The following AHI1 variants were observed in gnomAD, a reference collection of about 807,000 sequenced individuals.
AHI1 encodes Abelson helper integration site 1.
In AHI1, 123 loss-of-function variants were observed where a neutral mutation model predicts 149.3. The observed-to-expected ratio is 0.82, with a 90% confidence interval of 0.71 to 0.96. The LOEUF (loss-of-function observed/expected upper bound fraction) is 0.96, where lower values mean the gene tolerates loss of function less well. AHI1 is among the 40% of genes least tolerant of loss of function. The pLI, the probability that AHI1 is intolerant of heterozygous loss-of-function variation, is 0.00. For missense variants in AHI1, 1,439 were observed against 1,422.7 expected (o/e 1.01, Z -0.18); for synonymous variants, 475 against 459.8 (o/e 1.03, Z -0.42).
chr6:135,402,207 G>A (rs1044116025), intron 22 of AHI1, among the ~76,000 whole-genome samples: 1 of 152,092 alleles, frequency 6.6e-6, no homozygotes, highest in Non-Finnish European at 1.5e-5. Flanking sequence ...AACCTCATTC[G>A]TACACTGCTG....
intron 27 of AHI1, among the ~76,000 whole-genome samples, chr6:135,292,519 T>TTG (rs1401206404): frequency 6.6e-6 from 1 of 152,110 alleles, no homozygotes; most frequent in Non-Finnish European, 1.5e-5. Context: ...AAACAACAAT[T>TTG]TTCAAGATAC....
At chr6:135,341,477 C>T (rs1046695278) in intron 24 of AHI1, among the ~76,000 whole-genome samples, 2 of 151,924 alleles carry the variant, frequency 1.3e-5, no homozygotes, top group Non-Finnish European at 2.9e-5. Context: ...AAGATTTAAT[C>T]AATGCTGTAA....
chr6:135,331,485 T>C (rs773777469), intron 24 of AHI1, among the ~76,000 whole-genome samples: 16 of 152,292 alleles, frequency 1.1e-4, no homozygotes, highest in South Asian at 2.1e-4. Flanking sequence ...TGCCAGGCTG[T>C]TGTAAGACAT....
chr6:135,358,256 C>G (rs1466366401), intron 23 of AHI1, 69 bp from the exon 24 acceptor site: 4 of 1,343,696 alleles, frequency 3.0e-6, no homozygotes, highest in Non-Finnish European at 2.1e-6. Context: ...AATATTCATG[C>G]CATTTTATTG....
At chr6:135,426,076 A>T (rs1783872958) in intron 20 of AHI1, among the ~76,000 whole-genome samples, 1 of 151,768 alleles carries the variant, frequency 6.6e-6, no homozygotes. Flanking sequence ...GGGTACAAAG[A>T]GAGAACTGTT....
chr6:135,481,031 C>T (rs955762216), intron 5 of AHI1, among the ~76,000 whole-genome samples: 1 of 152,164 alleles, frequency 6.6e-6, no homozygotes, highest in East Asian at 1.9e-4. Context: ...GCCCCTGGTG[C>T]CAAAAAGGTT....
At chr6:135,439,666 C>T (rs1785963289) in intron 14 of AHI1, among the ~76,000 whole-genome samples, 1 of 152,180 alleles carries the variant, frequency 6.6e-6, no homozygotes, top group South Asian at 2.1e-4. Flanking sequence ...GCTAGTTTTG[C>T]TGTCACACCT....
intron 20 of AHI1, 85 bp from the exon 21 acceptor site, chr6:135,411,629 A>G (rs1781609665): frequency 8.7e-7 from 1 of 1,148,566 alleles, no homozygotes; most frequent in Admixed American, 3.0e-5. Context: ...ACAAATAATC[A>G]GAAACTGCAT....
rs752392677 is a variant in AHI1 at position 135,433,033 on chromosome 6, T to C, written c.2260A>G (p.Thr754Ala). ...KSFINSLCFD[T>A]EGHHMYSGDC... ...TTCATAGTCTCTGACATACCTTCAG[T>C]ATCAAAACAAAGTGAGTTGATAAAA... Residue 754 changes from threonine to alanine, a missense_variant, in exon 16 of 29, where the codon ACT (threonine) becomes GCT (alanine). Physicochemically the swap from Thr to Ala is moderately conservative, Grantham distance 58. Coordinates refer to ENST00000265602, the MANE Select transcript of AHI1 (RefSeq NM_001134831.2). 6.2e-7 allele frequency: 1 copy of C among 1,608,206 alleles called. No homozygotes were observed. The highest frequency in any genetic ancestry group is 1.7e-5 in the Admixed American group (1 of 60,012).
At chr6:135,311,754 T>C (rs1785240547) in intron 26 of AHI1, among the ~76,000 whole-genome samples, 1 of 152,268 alleles carries the variant, frequency 6.6e-6, no homozygotes, top group Non-Finnish European at 1.5e-5. Context: ...CTGATAATAC[T>C]TATATTCTCT....
At chr6:135,396,043 C>T (rs956410740) in intron 22 of AHI1, among the ~76,000 whole-genome samples, 1 of 151,364 alleles carries the variant, frequency 6.6e-6, no homozygotes, top group African/African-American at 2.4e-5. Flanking sequence ...TGATAATAAA[C>T]AGTATATCTT....
chr6:135,366,793 A>G (rs1401387604), intron 23 of AHI1, among the ~76,000 whole-genome samples: 6 of 151,458 alleles, frequency 4.0e-5, no homozygotes, highest in African/African-American at 1.2e-4. Context: ...GTCTGCTCTG[A>G]TCTTTGTTAT....
At chr6:135,335,546 G>C (rs1789250322) in intron 24 of AHI1, among the ~76,000 whole-genome samples, 1 of 151,496 alleles carries the variant, frequency 6.6e-6, no homozygotes, top group African/African-American at 2.4e-5. Flanking sequence ...TCTAACATTT[G>C]TACAAGTTAC....
At chr6:135,440,379 A>C (rs1163284943) in intron 14 of AHI1, among the ~76,000 whole-genome samples, 1 of 152,148 alleles carries the variant, frequency 6.6e-6, no homozygotes, top group Non-Finnish European at 1.5e-5. Context: ...AAATAAAAAC[A>C]AAAAACAAAA....
chr6:135,348,225 C>T (rs1344829382), intron 24 of AHI1, among the ~76,000 whole-genome samples: 3 of 152,156 alleles, frequency 2.0e-5, no homozygotes, highest in African/African-American at 7.2e-5. Context: ...TCCATCTAGG[C>T]AGGAAAACCA....
At chr6:135,327,523 GT>G (rs1445886660) in intron 24 of AHI1, among the ~76,000 whole-genome samples, 1 of 152,158 alleles carries the variant, frequency 6.6e-6, no homozygotes, top group Non-Finnish European at 1.5e-5. Context: ...TATGTATTAT[GT>G]TTCTGTTTGC....
At chr6:135,334,399 T>C (rs1277301503) in intron 24 of AHI1, among the ~76,000 whole-genome samples, 2 of 152,138 alleles carry the variant, frequency 1.3e-5, no homozygotes, top group African/African-American at 2.4e-5. Context: ...AAATGAGCCC[T>C]CATCAGACAT....
At chr6:135,397,598 C>A (rs1215697521) in intron 22 of AHI1, among the ~76,000 whole-genome samples, 1 of 151,948 alleles carries the variant, frequency 6.6e-6, no homozygotes, top group Admixed American at 6.5e-5. Context: ...AGCAGACAAG[C>A]AAAATATGCA....
Position 135,448,568 on chromosome 6 carries a change from A to G in AHI1, c.1441-93T>C, listed in dbSNP as rs1583283661. The G allele has an allele frequency of 3.0e-6, 3 of 989,682 alleles. No homozygotes were observed. The East Asian group carries it at 7.9e-5, about 26-fold the overall frequency. 61.3% of individuals were successfully genotyped at this position (989,682 alleles called of 1,614,324 possible). A position where few individuals can be genotyped will look rare whatever the true frequency, so the allele number is the denominator to read the frequency against. ...ATAAAGTCAGAAACATTTTTAAAAG[A>G]TTAATATGGCATGCTGAAATTTCTT... On this transcript the variant is annotated intron_variant, in intron 11 of 28. Transcript: ENST00000265602.
Sources: gnomAD v4.1 joint callset for allele counts (sites outside exome capture counted in the v4.1 genomes callset) on GRCh38, gnomAD v4.1.1 for gene constraint, MANE v1.5 for transcripts, NCBI Gene and HGNC (gene_info 2026-07-23, HGNC 2026-07-21) for gene names.